The following KLHL29 variants were observed in gnomAD, a reference collection of about 807,000 sequenced individuals.
The protein encoded by KLHL29 is kelch-like protein 29.
In KLHL29, 21 loss-of-function variants were observed where a neutral mutation model predicts 80.4. The observed-to-expected ratio is 0.26, with a 90% CI of 0.19 to 0.38. The LOEUF is 0.38. KLHL29 is among the 10% of genes least tolerant of loss of function. KLHL29 has a pLI of 1.00. For missense variants in KLHL29, 867 were observed against 1,223.9 expected, an observed-to-expected ratio of 0.71 and a Z score of 4.35; for synonymous variants, 511 against 526.8, an observed-to-expected ratio of 0.97 and a Z score of 0.41.
At chr2:23,665,707 G>A (rs1464990380) in intron 5 of KLHL29, among the ~76,000 whole-genome samples, 1 of 152,180 alleles carries the variant, frequency 6.6e-6, no homozygotes, top group African/African-American at 2.4e-5. Context: ...GCATCACAAG[G>A]TGAGGGCAGA....
chr2:23,386,422 C>A (rs1370257437), intron 1 of KLHL29, among the ~76,000 whole-genome samples: 5 of 152,192 alleles, frequency 3.3e-5, no homozygotes, highest in Admixed American at 2.0e-4. Flanking sequence ...GTGACCCACC[C>A]CACCCCGACA....
Position 23,586,931 on chromosome 2 carries a change from G to A in KLHL29, c.285+24450G>A, listed in dbSNP as rs1387466944. On this transcript the variant is annotated intron_variant, in intron 3 of 13. Transcript: ENST00000486442. ...CAGGGAGTATCTCGCAAGCCTCAGC[G>A]ACATTTGTTGGCCGGAAGGATATAA... Among the ~76,000 whole-genome samples the A allele has an allele frequency of 2.0e-5, 3 of 152,154 alleles. No homozygotes were observed. In the East Asian group the frequency reaches 5.8e-4, roughly 29 times the overall value.
intron 3 of KLHL29, among the ~76,000 whole-genome samples, chr2:23,626,560 G>C (rs569464381): frequency 2.6e-4 from 39 of 152,340 alleles, no homozygotes; most frequent in African/African-American, 8.7e-4. Context: ...ATCAGCTGTT[G>C]TAATTATGAT....
At chr2:23,606,696 A>G (rs772793867) in intron 3 of KLHL29, among the ~76,000 whole-genome samples, 8 of 152,146 alleles carry the variant, frequency 5.3e-5, no homozygotes, top group African/African-American at 1.7e-4. Flanking sequence ...AGAGGGGAAG[A>G]GGAGAGTCAT....
chr2:23,448,300 T>G (rs898024130), intron 1 of KLHL29, among the ~76,000 whole-genome samples: 8 of 152,202 alleles, frequency 5.3e-5, no homozygotes, highest in African/African-American at 1.9e-4. Flanking sequence ...CTTTCCTTAT[T>G]CCAGGCACTG....
intron 5 of KLHL29, among the ~76,000 whole-genome samples, chr2:23,666,511 T>C (rs1183896507): frequency 5.3e-5 from 8 of 152,180 alleles, no homozygotes; most frequent in African/African-American, 9.7e-5. Context: ...GTTGCAGAAG[T>C]TGCTTATCCT....
At chr2:23,419,957 C>T (rs955686686) in intron 1 of KLHL29, among the ~76,000 whole-genome samples, 9 of 152,320 alleles carry the variant, frequency 5.9e-5, no homozygotes, top group African/African-American at 1.7e-4. Context: ...GCCACAGAGG[C>T]CTTGTCATGT....
chr2:23,635,531 G>C (rs926525537), intron 3 of KLHL29, among the ~76,000 whole-genome samples: 1 of 152,210 alleles, frequency 6.6e-6, no homozygotes, highest in Non-Finnish European at 1.5e-5. Context: ...AGAGGCCCTC[G>C]GTCTTTAGTG....
intron 1 of KLHL29, among the ~76,000 whole-genome samples, chr2:23,393,186 T>C (rs6742888): frequency 0.28 from 41,993 of 152,148 alleles, 6,089 homozygotes; most frequent in African/African-American, 0.32. Context: ...AATGTTTGCC[T>C]GGAGAAGGTG....
intron 1 of KLHL29, among the ~76,000 whole-genome samples, chr2:23,453,702 G>A (rs1663956638): frequency 6.6e-6 from 1 of 152,192 alleles, no homozygotes; most frequent in Non-Finnish European, 1.5e-5. Flanking sequence ...TTTATTATCA[G>A]CATGTTTTCA....
chr2:23,597,282 A>G (rs1376035527), intron 3 of KLHL29, among the ~76,000 whole-genome samples: 4 of 1,048 alleles, frequency 3.8e-3, no homozygotes, highest in East Asian at 6.9e-3. Context: ...CTCTCAATCT[A>G]TCTCTCTCTC....
chr2:23,623,908 G>A (rs1423250536), intron 3 of KLHL29, among the ~76,000 whole-genome samples: 1 of 152,200 alleles, frequency 6.6e-6, no homozygotes, highest in East Asian at 1.9e-4. Flanking sequence ...TGGGTTTGGA[G>A]GGTCCCCCAT....
chr2:23,580,118 C>A (rs1456957416), intron 3 of KLHL29, among the ~76,000 whole-genome samples: 1 of 152,170 alleles, frequency 6.6e-6, no homozygotes, highest in Non-Finnish European at 1.5e-5. Flanking sequence ...CGCCTGTAAT[C>A]CCAGCACTTT....
intron 1 of KLHL29, among the ~76,000 whole-genome samples, chr2:23,453,262 C>G (rs1253322992): frequency 6.6e-6 from 1 of 152,168 alleles, no homozygotes; most frequent in Non-Finnish European, 1.5e-5. Flanking sequence ...GTAACCACAC[C>G]GTAGCTCAGT....
chr2:23,452,107 C>T (rs920702658), intron 1 of KLHL29, among the ~76,000 whole-genome samples: 3 of 151,956 alleles, frequency 2.0e-5, no homozygotes, highest in African/African-American at 7.3e-5. Flanking sequence ...AATCTCCTGC[C>T]CTCAGTTGAT....
At chr2:23,475,754 G>T in intron 2 of KLHL29, 87 bp downstream of exon 2, 1 of 164,232 alleles carries the variant, frequency 6.1e-6, no homozygotes. Context: ...AAATGTGTGG[G>T]GGAAGGGAAG....
chr2:23,470,202 C>T (rs1238263106), intron 1 of KLHL29, among the ~76,000 whole-genome samples: 1 of 152,096 alleles, frequency 6.6e-6, no homozygotes, highest in Non-Finnish European at 1.5e-5. Flanking sequence ...GGAGATGGGC[C>T]CTTTGGTGCT....
At chr2:23,702,785 G>C (rs1257751401) in intron 11 of KLHL29, among the ~76,000 whole-genome samples, 1 of 152,212 alleles carries the variant, frequency 6.6e-6, no homozygotes, top group Non-Finnish European at 1.5e-5. Context: ...GGGCAGGAAT[G>C]GTGCTTCATC....
chr2:23,510,546 C>G (rs1386725492), intron 2 of KLHL29, among the ~76,000 whole-genome samples: 4 of 152,368 alleles, frequency 2.6e-5, no homozygotes, highest in South Asian at 2.1e-4. Context: ...AGAGCTGCCC[C>G]CTTCCTGAGG....
Sources: gnomAD v4.1 joint callset for allele counts (sites outside exome capture counted in the v4.1 genomes callset) on GRCh38, gnomAD v4.1.1 for gene constraint, MANE v1.5 for transcripts, NCBI Gene and HGNC (gene_info 2026-07-23, HGNC 2026-07-21) for gene names.